The following LMNA variants were observed in gnomAD, a reference collection of about 807,000 sequenced individuals.
LMNA encodes the protein lamin.
A neutral mutation model predicts 70.4 loss-of-function variants in LMNA; 20 were observed. That is an observed-to-expected ratio of 0.28 (90% CI 0.20 to 0.41). LMNA has a LOEUF of 0.41. Ranked by LOEUF, LMNA falls within the 10% of genes least tolerant of loss-of-function variation. LMNA has a pLI of 1.00. For synonymous variants in LMNA, 339 were observed against 372.8 expected, an observed-to-expected ratio of 0.91 and a Z score of 1.04; for missense variants, 652 against 917.2, an observed-to-expected ratio of 0.71 and a Z score of 3.73.
At chr1:156,090,481 A>G (rs1264571242) in exon 3 of LMNA, 1 of 152,114 alleles carries the variant, frequency 6.6e-6, no homozygotes, top group Non-Finnish European at 1.5e-5. Flanking sequence ...ACTTGATGTA[A>G]TTGTCTTCAC....
Position 156,116,388 on chromosome 1 carries a change from T to G in LMNA, c.356+1114T>G, listed in dbSNP as rs1339006561. Among the ~76,000 whole-genome samples, 4 of 98,992 alleles carry G rather than the reference T, an allele frequency of 4.0e-5. No individual in the cohort carries two copies. In the Admixed American group the frequency reaches 6.3e-4, roughly 16 times the overall value. The allele number at this position is 98,992 out of a possible 152,430, so 64.9% of individuals were successfully genotyped here. A position where few individuals can be genotyped will look rare whatever the true frequency, so the allele number is the denominator to read the frequency against. On this transcript the variant is annotated intron_variant, in intron 1 of 11. Transcript: ENST00000368300. ...CACCTTCTTCTTTTCTAAAAAAGCC[T>G]TTGGGAGCTTGGAAGTATAGGCCCT...
At chr1:156,122,354 CCA>C (rs1650248779) in intron 1 of LMNA, among the ~76,000 whole-genome samples, 1 of 151,966 alleles carries the variant, frequency 6.6e-6, no homozygotes, top group Admixed American at 6.6e-5. Context: ...GTACAGTGAC[CCA>C]CAAAGTGAGA....
In LMNA at chr1:156,134,469, G is replaced by A; in HGVS notation, c.580G>A (p.Glu194Lys). The part of the protein sequence containing the change: ...QDEMLRRVDA[E>K]NRLQTMKEEL... Reference sequence around the variant, plus strand: ...TGAGATGCTGCGGCGGGTGGATGCTGAGAACAGGCTGCAGACCATGAAGGA... The same window carrying A: ...TGAGATGCTGCGGCGGGTGGATGCTAAGAACAGGCTGCAGACCATGAAGGA... The change falls in exon 3 of 12, where the codon GAG becomes AAG. Residue 194 changes from glutamate (E) to lysine (K), a missense_variant. Physicochemically the swap from Glu to Lys is moderately conservative, Grantham distance 56. This residue lies in a region of LMNA where 254 missense variants were observed against 421.9 expected (regional missense o/e 0.60). Coordinates refer to ENST00000368300, the MANE Select transcript of LMNA (RefSeq NM_170707.4). This position sits in a 1 kb window ranked among gnomAD's most constrained non-coding sequence, Gnocchi z 5.3. The A allele has an allele frequency of 6.2e-7, 1 of 1,614,192 alleles. No individual in the cohort carries two copies. Among genetic ancestry groups the A allele is most frequent in the East Asian group, 2.2e-5 (1 of 44,882 alleles).
rs200466188 is a variant in LMNA at position 156,137,027 on chromosome 1, C to T, written c.1487C>T (p.Thr496Met). 1.1e-5 allele frequency: 18 copies of T among 1,614,026 alleles called. No individual in the cohort carries two copies. In the Middle Eastern group the frequency reaches 4.9e-4, roughly 44 times the overall value. Residue 496 changes from threonine to methionine, a missense_variant and splice_region_variant, in exon 8 of 12, where the codon ACG (threonine) becomes ATG (methionine). This residue lies in a region of LMNA where 327 missense variants were observed against 387.6 expected (regional missense o/e 0.84). Coordinates refer to ENST00000368300, the MANE Select transcript of LMNA (RefSeq NM_170707.4). This position sits in a 1 kb window ranked among gnomAD's most constrained non-coding sequence, Gnocchi z 4.6. ...ACCCTGAAGGCTGGGCAGGTGGTGA[C>T]GGTGAGTGGCAGGGCGCTTGGGACT... The part of the protein sequence containing the change: ...KFTLKAGQVV[T>M]IWAAGAGATH...
At position 156,138,518 on chromosome 1, in the gene LMNA, G is replaced by T; in HGVS notation, c.1729G>T (p.Ala577Ser). 6.2e-7 allele frequency: 1 copy of T among 1,612,606 alleles called. No individual in the cohort carries two copies. The change falls in exon 11 of 12, where the codon GCT becomes TCT. Residue 577 changes from alanine to serine, a missense_variant. By Grantham distance (99) the Ala-to-Ser change is moderately conservative (BLOSUM62 1). Transcript: ENST00000368300. The surrounding 1 kb of genome is among the most constrained non-coding windows in gnomAD (Gnocchi z 5.5). Reference protein sequence around the residue: ...GSHCSSSGDPAEYNLRSRTVL... With the variant: ...GSHCSSSGDPSEYNLRSRTVL... ...CCACTGCAGCAGCTCGGGGGACCCCGCTGAGTACAACCTGCGCTCGCGCAC... is the reference window on the plus strand; with the variant it reads ...CCACTGCAGCAGCTCGGGGGACCCCTCTGAGTACAACCTGCGCTCGCGCAC...
chr1:156,136,575 T>C lies in LMNA; in HGVS notation c.1380+139T>C. 2 of 922,738 alleles carry C rather than the reference T, an allele frequency of 2.2e-6. No homozygotes were observed. Among genetic ancestry groups the C allele is most frequent in the Non-Finnish European group, 3.4e-6 (2 of 588,874 alleles). 57.2% of individuals were successfully genotyped at this position (922,738 alleles called of 1,614,324 possible). A position where few individuals can be genotyped will look rare whatever the true frequency, so the allele number is the denominator to read the frequency against. ...GTGAGCCTGTATATCTCCTCCACAC[T>C]CTGGTTCCAGGCCTGGCTCCTGGAC... On this transcript the variant is annotated intron_variant, in intron 7 of 11. Coordinates refer to ENST00000368300, the MANE Select transcript of LMNA (RefSeq NM_170707.4). This position sits in a 1 kb window ranked among gnomAD's most constrained non-coding sequence, Gnocchi z 6.1.
At chr1:156,108,001 A>C (rs1649413425) in intron 3 of LMNA, among the ~76,000 whole-genome samples, 1 of 151,948 alleles carries the variant, frequency 6.6e-6, no homozygotes, top group African/African-American at 2.4e-5. Context: ...TCCTGACCTC[A>C]AGTAATCCAC....
At chr1:156,131,056 G>A (rs779860171) in intron 2 of LMNA, among the ~76,000 whole-genome samples, 27 of 152,110 alleles carry the variant, frequency 1.8e-4, no homozygotes, top group South Asian at 4.1e-4. Flanking sequence ...CCGATCACGA[G>A]GTCAGGAGAT....
chr1:156,138,984 TG>T lies in LMNA; in HGVS notation c.1969-91del, dbSNP rs1651898805. On this transcript the variant is annotated intron_variant, in intron 11 of 11. Coordinates refer to ENST00000368300, the MANE Select transcript of LMNA (RefSeq NM_170707.4). This position sits in a 1 kb window ranked among gnomAD's most constrained non-coding sequence, Gnocchi z 5.5. ...AGGGGCAGGGCTGGAGTGTGAGGGATGGGGGAGATGCTACCTCCCTTCTAGG... is the reference window on the plus strand; with the variant it reads ...AGGGGCAGGGCTGGAGTGTGAGGGATGGGGAGATGCTACCTCCCTTCTAGG... 4 of 1,386,280 alleles carry T rather than the reference TG, an allele frequency of 2.9e-6. No homozygotes were observed. The African/African-American group carries it at 4.3e-5, about 15-fold the overall frequency. 85.9% of individuals were successfully genotyped at this position (1,386,280 alleles called of 1,614,324 possible).
intron 3 of LMNA, among the ~76,000 whole-genome samples, chr1:156,108,090 A>C (rs1649415941): frequency 6.6e-6 from 1 of 152,110 alleles, no homozygotes; most frequent in African/African-American, 2.4e-5. Context: ...TTGACACATA[A>C]AATGCAGATA....
chr1:156,136,380 G>C lies in LMNA; in HGVS notation c.1324G>C (p.Val442Leu), dbSNP rs368542816. 6.2e-7 allele frequency: 1 copy of C among 1,610,894 alleles called. No homozygotes were observed. The highest frequency in any genetic ancestry group is 1.7e-5 in the Admixed American group (1 of 59,768). ...QHARTSGRVA[V>L]EEVDEEGKFV... ...CGCACGCACTAGCGGGCGCGTGGCCGTGGAGGAGGTGGATGAGGAGGGCAA... is the reference window on the plus strand; with the variant it reads ...CGCACGCACTAGCGGGCGCGTGGCCCTGGAGGAGGTGGATGAGGAGGGCAA... The change falls in exon 7 of 12, where the codon GTG becomes CTG. Residue 442 changes from valine to leucine, a missense_variant. Physicochemically the swap from Val to Leu is conservative, Grantham distance 32 (BLOSUM62 1). This residue lies in a region of LMNA where 327 missense variants were observed against 387.6 expected (regional missense o/e 0.84). Transcript: ENST00000368300. This position sits in a 1 kb window ranked among gnomAD's most constrained non-coding sequence, Gnocchi z 6.1.
At chr1:156,090,054 A>G (rs1648639150) in intron 2 of LMNA, among the ~76,000 whole-genome samples, 1 of 152,034 alleles carries the variant, frequency 6.6e-6, no homozygotes, top group Non-Finnish European at 1.5e-5. Flanking sequence ...GTCTTGGGGC[A>G]GGGAGGGGGA....
At chr1:156,101,774 T>A (rs1393256233) in intron 3 of LMNA, among the ~76,000 whole-genome samples, 1 of 151,166 alleles carries the variant, frequency 6.6e-6, no homozygotes, top group Non-Finnish European at 1.5e-5. Flanking sequence ...CAGGTGGGGG[T>A]TGGTGGTGAG....
intron 1 of LMNA, among the ~76,000 whole-genome samples, chr1:156,127,718 ACT>A (rs1650717727): frequency 7.1e-6 from 1 of 140,736 alleles, no homozygotes; most frequent in Non-Finnish European, 1.5e-5. Context: ...ATAGAGTCTC[ACT>A]CTGTCACCCA....
chr1:156,117,116 G>T (rs1323801440), intron 1 of LMNA, among the ~76,000 whole-genome samples: 6 of 139,354 alleles, frequency 4.3e-5, no homozygotes, highest in African/African-American at 1.1e-4. Flanking sequence ...TTTTAGTAGA[G>T]ATGGGGTTTC....
intron 2 of LMNA, among the ~76,000 whole-genome samples, chr1:156,086,055 A>T (rs543281510): frequency 6.6e-6 from 1 of 152,284 alleles, no homozygotes; most frequent in Admixed American, 6.5e-5. Flanking sequence ...CGTCTCAAAA[A>T]ATAAAATAAA....
intron 2 of LMNA, among the ~76,000 whole-genome samples, chr1:156,089,319 G>T (rs1214499941): frequency 6.6e-6 from 1 of 151,214 alleles, no homozygotes; most frequent in Admixed American, 6.6e-5. Context: ...TTTTTGAGAT[G>T]AAGTCTTGCT....
At chr1:156,125,139 G>T (rs1180581985) in intron 1 of LMNA, among the ~76,000 whole-genome samples, 1 of 152,150 alleles carries the variant, frequency 6.6e-6, no homozygotes, top group Non-Finnish European at 1.5e-5. Flanking sequence ...GGGTATTTGT[G>T]GGACACACAG....
intron 1 of LMNA, among the ~76,000 whole-genome samples, chr1:156,127,157 C>A (rs1650657168): frequency 6.6e-6 from 1 of 152,162 alleles, no homozygotes; most frequent in Admixed American, 6.5e-5. Flanking sequence ...ACTTTGGTCC[C>A]TGCTAGGTCT....
Sources: gnomAD v4.1 joint callset for allele counts (sites outside exome capture counted in the v4.1 genomes callset) on GRCh38, gnomAD v4.1.1 for gene constraint, gnomAD v4.1.1 regional missense constraint, Gnocchi (gnomAD v3.1) non-coding constraint, MANE v1.5 for transcripts, NCBI Gene and HGNC (gene_info 2026-07-23, HGNC 2026-07-21) for gene names.